Variants in FOXN2 observed in about 807,000 individuals in gnomAD.
The protein encoded by FOXN2 is forkhead box N2.
FOXN2 carries 19 observed loss-of-function variants against 41.2 expected under a neutral mutation model. The ratio of observed to expected loss-of-function variants is 0.46; its 90% confidence interval spans 0.32 to 0.68. The LOEUF (loss-of-function observed/expected upper bound fraction) is 0.68, where lower values mean the gene tolerates loss of function less well. FOXN2 is among the 30% of genes least tolerant of loss of function. The pLI is 0.03. For synonymous variants in FOXN2, 195 were observed against 176.8 expected, an observed-to-expected ratio of 1.10 and a Z score of -0.82; for missense variants, 587 against 509.4, an observed-to-expected ratio of 1.15 and a Z score of -1.47.
Position 48,346,187 on chromosome 2 carries a change from T to G in FOXN2, c.-14-14T>G. The G allele has an allele frequency of 6.5e-7, 1 of 1,549,422 alleles. No homozygotes were observed. Among genetic ancestry groups the G allele is most frequent in the Non-Finnish European group, 8.7e-7 (1 of 1,150,062 alleles). ...TCTAAAGTATTACATTGATAATTGT[T>G]TCCTTTGTTGCAGAACTGTAAGAGT... On this transcript the variant is annotated splice_polypyrimidine_tract_variant and intron_variant, in intron 2 of 6. Coordinates refer to ENST00000340553, the MANE Select transcript of FOXN2 (RefSeq NM_002158.4).
chr2:48,346,821 T>C, intron 3 of FOXN2, 70 bp downstream of exon 3: 1 of 1,329,362 alleles, frequency 7.5e-7, no homozygotes, highest in Non-Finnish European at 1.0e-6. Context: ...CCTTAAAATA[T>C]CTGGAAATCG....
chr2:48,339,915 A>C (rs925866285), intron 2 of FOXN2, among the ~76,000 whole-genome samples: 2 of 152,246 alleles, frequency 1.3e-5, no homozygotes, highest in African/African-American at 2.4e-5. Flanking sequence ...GAATATTCAT[A>C]AAATGGAATA....
chr2:48,356,376 G>C (rs1389145263), intron 3 of FOXN2, among the ~76,000 whole-genome samples: 1 of 152,092 alleles, frequency 6.6e-6, no homozygotes, highest in African/African-American at 2.4e-5. Context: ...GGGAGGCGGA[G>C]GTTGCAGTGA....
chr2:48,314,678 C>A (rs900133924), upstream of FOXN2: 1 of 153,106 alleles, frequency 6.5e-6, no homozygotes, highest in African/African-American at 2.4e-5. Context: ...CTGCCGGGGC[C>A]GCCACTGCAG....
chr2:48,351,216 C>G (rs951567020), intron 3 of FOXN2, among the ~76,000 whole-genome samples: 1 of 151,978 alleles, frequency 6.6e-6, no homozygotes, highest in Non-Finnish European at 1.5e-5. Flanking sequence ...CCTGTCTCAG[C>G]CTCCCAAAGT....
rs775209088 is a variant in FOXN2, at chr2:48,375,283, G to C, written c.1136G>C (p.Gly379Ala). The change falls in exon 7 of 7, where the codon GGG becomes GCG. Residue 379 changes from glycine to alanine, a missense_variant. Physicochemically the swap from Gly to Ala is moderately conservative, Grantham distance 60 (BLOSUM62 0). Transcript: ENST00000340553. ...CCTTGTGCAAAAATCTCTGAAAAAG[G>C]GCAGTCAGGCAAAAAGATGCGAAAA... ...SQPCAKISEK[G>A]QSGKKMRKQT... is the part of the protein sequence containing the mutation. 13 of 1,613,986 alleles carry C rather than the reference G, an allele frequency of 8.1e-6. No individual in the cohort carries two copies. The highest frequency in any genetic ancestry group is 1.1e-5 in the Non-Finnish European group (13 of 1,179,984).
chr2:48,341,617 A>G (rs1355447309), intron 2 of FOXN2, among the ~76,000 whole-genome samples: 3 of 152,232 alleles, frequency 2.0e-5, no homozygotes, highest in Non-Finnish European at 4.4e-5. Context: ...ATGCCAGGGT[A>G]AAATGCATAA....
rs1221326378 is a variant in FOXN2, at chr2:48,374,914, C to T, written c.773-6C>T. 1.3e-6 allele frequency: 2 copies of T among 1,590,188 alleles called. No individual in the cohort carries two copies. Among genetic ancestry groups the T allele is most frequent in the Admixed American group, 3.5e-5 (2 of 56,446 alleles). ...GACCTATTGATGGAACTTTTATTTT[C>T]CACAGGTGAGAAGCCTCTTCCTCTT... On this transcript the variant is annotated splice_polypyrimidine_tract_variant and splice_region_variant and intron_variant, in intron 6 of 6. Transcript: ENST00000340553.
Position 48,375,959 on chromosome 2 carries a change from G to T in FOXN2, c.*516G>T, listed in dbSNP as rs1388487084. 6.6e-6 allele frequency: 1 copy of T among 152,140 alleles called. No individual in the cohort carries two copies. The highest frequency in any genetic ancestry group is 2.4e-5 in the African/African-American group (1 of 41,226). 9.4% of individuals were successfully genotyped at this position (152,140 alleles called of 1,614,324 possible). The stretch of plus-strand genomic sequence containing the variant: ...TTTCTAATTTTTTTTTTGTTGTCGT[G>T]TGAGCAAAGACAAACATAAATTGAA... On this transcript the variant is annotated 3_prime_UTR_variant, in exon 7 of 7. Coordinates refer to ENST00000340553, the MANE Select transcript of FOXN2 (RefSeq NM_002158.4).
In FOXN2 at chr2:48,346,441, G is replaced by A. The variant is rs1427797940; in HGVS notation, c.227G>A (p.Ser76Asn). The A allele has an allele frequency of 6.2e-7, 1 of 1,614,194 alleles. No homozygotes were observed. Among genetic ancestry groups the A allele is most frequent in the Non-Finnish European group, 8.5e-7 (1 of 1,180,026 alleles). ...TNLLTNFSLGSEGLPIVSPLY... is the reference protein window; with the variant it reads ...TNLLTNFSLGNEGLPIVSPLY... ...CTTCTAACAAACTTCAGCCTCGGAA[G>A]TGAGGGTCTTCCAATTGTTAGTCCA... is the stretch of plus-strand genomic sequence containing the variant. The change falls in exon 3 of 7, where the codon AGT becomes AAT. Residue 76 changes from serine (S) to asparagine (N), a missense_variant. Ser to Asn is a conservative substitution (Grantham distance 46, BLOSUM62 1). Coordinates refer to ENST00000340553, the MANE Select transcript of FOXN2 (RefSeq NM_002158.4).
At chr2:48,327,547 G>A (rs555507717) in intron 1 of FOXN2, among the ~76,000 whole-genome samples, 2 of 152,176 alleles carry the variant, frequency 1.3e-5, no homozygotes, top group Admixed American at 6.5e-5. Context: ...CTGGGTTCAA[G>A]GGATTCTCCT....
chr2:48,325,741 C>G (rs1316208146), intron 1 of FOXN2, among the ~76,000 whole-genome samples: 1 of 151,754 alleles, frequency 6.6e-6, no homozygotes, highest in Non-Finnish European at 1.5e-5. Flanking sequence ...ATTAAACCAT[C>G]TCAGGTGTGA....
Position 48,346,304 on chromosome 2 carries a change from G to A in FOXN2, c.90G>A (p.Met30Ile). The A allele has an allele frequency of 1.2e-6, 2 of 1,614,196 alleles. No individual in the cohort carries two copies. The highest frequency in any genetic ancestry group is 2.2e-5 in the East Asian group (1 of 44,888). The change falls in exon 3 of 7, where the codon ATG becomes ATA. Residue 30 changes from methionine to isoleucine, a missense_variant. Coordinates refer to ENST00000340553, the MANE Select transcript of FOXN2 (RefSeq NM_002158.4). The stretch of plus-strand genomic sequence containing the variant: ...CAGGATTAAGCCAGATTTACAAAAT[G>A]GGAAGCTTGCCTGAAGCTGTTGATG... The part of the protein sequence containing the change: ...KIAGLSQIYK[M>I]GSLPEAVDAA...
intron 3 of FOXN2, among the ~76,000 whole-genome samples, chr2:48,354,807 A>C (rs1163162072): frequency 6.6e-6 from 1 of 152,248 alleles, no homozygotes; most frequent in African/African-American, 2.4e-5. Flanking sequence ...AGGAGGAAAC[A>C]CAAATAGGCA....
chr2:48,339,030 A>G (rs1291669238), intron 2 of FOXN2, among the ~76,000 whole-genome samples: 1 of 152,180 alleles, frequency 6.6e-6, no homozygotes, highest in Non-Finnish European at 1.5e-5. Context: ...AGGCTTCAAT[A>G]GATACTTTAT....
chr2:48,314,141 G>A (rs533237003), upstream of FOXN2, among the ~76,000 whole-genome samples: 5 of 152,342 alleles, frequency 3.3e-5, no homozygotes, highest in African/African-American at 4.8e-5. Context: ...CAAAGCCCAG[G>A]CAATGGCGGA....
In FOXN2 at chr2:48,362,412, T is replaced by G. The variant is rs1002314678; in HGVS notation, c.639-231T>G. ...AAAACCCTTTCTCTACCAAAAAAAA[T>G]TAAAAAATTAGCCACACATGGTAGT... On this transcript the variant is annotated intron_variant, in intron 4 of 6. Transcript: ENST00000340553. Among the ~76,000 whole-genome samples, 167 of 151,962 alleles carry G rather than the reference T, an allele frequency of 1.1e-3. 1 individual carries two copies. The highest frequency in any genetic ancestry group is 3.9e-3 in the African/African-American group (163 of 41,448).
intron 1 of FOXN2, among the ~76,000 whole-genome samples, chr2:48,321,321 G>A (rs1182659338): frequency 1.3e-5 from 2 of 152,144 alleles, no homozygotes; most frequent in Admixed American, 6.5e-5. Context: ...GGATCACGAG[G>A]TCAGGAGATC....
intron 2 of FOXN2, among the ~76,000 whole-genome samples, chr2:48,338,470 C>T (rs1670514831): frequency 6.6e-6 from 1 of 151,688 alleles, no homozygotes; most frequent in African/African-American, 2.4e-5. Context: ...GGCGCGATCT[C>T]AGCTCACTAC....
Sources: allele counts gnomAD v4.1 joint callset (sites outside exome capture counted in the v4.1 genomes callset), GRCh38; gene constraint gnomAD v4.1.1; transcripts MANE v1.5; gene names NCBI Gene and HGNC (gene_info 2026-07-23, HGNC 2026-07-21).